Variants in VPS53 observed in about 807,000 individuals in gnomAD.
The protein encoded by VPS53 is VPS53 subunit of GARP complex.
Under a neutral mutation model 107.0 loss-of-function variants are expected in VPS53, and 70 were observed. The observed-to-expected ratio is 0.65, with a 90% confidence interval of 0.54 to 0.80. VPS53 has a LOEUF of 0.80. Ranked by LOEUF, VPS53 falls within the 30% of genes least tolerant of loss-of-function variation. The pLI, the probability that VPS53 is intolerant of heterozygous loss-of-function variation, is 0.00. For missense variants in VPS53, 917 were observed against 1,049.4 expected (o/e 0.87, Z 1.74); for synonymous variants, 409 against 393.3 (o/e 1.04, Z -0.47).
At chr17:576,978 T>G (rs186313911) in intron 13 of VPS53, among the ~76,000 whole-genome samples, 1 of 145,718 alleles carries the variant, frequency 6.9e-6, no homozygotes, top group East Asian at 2.1e-4. Context: ...AGAACCTCAA[T>G]GACTTAGCAG....
intron 19 of VPS53, chr17:523,196 G>A (rs1908879701): frequency 6.5e-6 from 1 of 152,928 alleles, no homozygotes; most frequent in Non-Finnish European, 1.5e-5. Flanking sequence ...CGCTGCTCTT[G>A]GCAACCAGGG....
chr17:653,510 A>C (rs1318330830), intron 6 of VPS53, 100 bp from the exon 7 acceptor site: 20 of 1,556,860 alleles, frequency 1.3e-5, no homozygotes, highest in Non-Finnish European at 1.7e-5. Context: ...ATATCAACTC[A>C]GCTGAATCAA....
At chr17:697,780 T>C (rs969219402) in intron 3 of VPS53, among the ~76,000 whole-genome samples, 1 of 152,140 alleles carries the variant, frequency 6.6e-6, no homozygotes, top group African/African-American at 2.4e-5. Context: ...ATGGAGTACA[T>C]CAGGAATGAC....
chr17:558,619 G>C, intron 15 of VPS53, among the ~76,000 whole-genome samples: 1 of 151,912 alleles, frequency 6.6e-6, no homozygotes, highest in Non-Finnish European at 1.5e-5. Flanking sequence ...GGGTGACAGA[G>C]AGAGACTCTG....
At chr17:534,263 G>A (rs1597255847) in intron 18 of VPS53, among the ~76,000 whole-genome samples, 1 of 152,214 alleles carries the variant, frequency 6.6e-6, no homozygotes, top group East Asian at 1.9e-4. Context: ...TGATTGAAGG[G>A]AGGAGGATCA....
At chr17:690,602 G>A (rs918155135) in intron 4 of VPS53, among the ~76,000 whole-genome samples, 3 of 152,336 alleles carry the variant, frequency 2.0e-5, no homozygotes, top group African/African-American at 7.2e-5. Context: ...TCCCAGCTCT[G>A]CGGACATCTG....
At chr17:713,667 AG>A (rs1200466808) in intron 1 of VPS53, among the ~76,000 whole-genome samples, 310 of 147,312 alleles carry the variant, frequency 2.1e-3, no homozygotes, top group African/African-American at 7.2e-3. Context: ...ACAAAAAAAA[AG>A]AAAAAAAGAA....
intron 15 of VPS53, among the ~76,000 whole-genome samples, chr17:556,119 A>G (rs1912322046): frequency 6.6e-6 from 1 of 152,158 alleles, no homozygotes; most frequent in South Asian, 2.1e-4. Flanking sequence ...TCTACAAAAA[A>G]TAAAAAAATA....
chr17:647,776 C>T (rs558441217), intron 7 of VPS53, among the ~76,000 whole-genome samples: 1 of 152,046 alleles, frequency 6.6e-6, no homozygotes, highest in Non-Finnish European at 1.5e-5. Flanking sequence ...TGCCCCGGAG[C>T]GTCAGAAATA....
chr17:670,457 G>A (rs1597466273), intron 4 of VPS53, among the ~76,000 whole-genome samples: 1 of 152,320 alleles, frequency 6.6e-6, no homozygotes, highest in South Asian at 2.1e-4. Context: ...ACGGTGAGCA[G>A]GCTCTCAAAG....
intron 11 of VPS53, among the ~76,000 whole-genome samples, chr17:605,858 G>A (rs535006333): frequency 6.6e-6 from 1 of 152,242 alleles, no homozygotes; most frequent in Admixed American, 6.5e-5. Flanking sequence ...GCCTTTTGTG[G>A]GCCATGGTAA....
intron 12 of VPS53, 27 bp from the exon 13 acceptor site, chr17:586,391 CA>C: frequency 6.3e-7 from 1 of 1,597,528 alleles, no homozygotes. Context: ...AAATAAACCC[CA>C]TACTTGAGTG....
At chr17:694,416 C>T (rs1462084123) in intron 4 of VPS53, among the ~76,000 whole-genome samples, 3 of 152,172 alleles carry the variant, frequency 2.0e-5, no homozygotes, top group Non-Finnish European at 4.4e-5. Context: ...ACGTAAATAA[C>T]TGAAAGATAC....
At chr17:571,493 C>T (rs575285473) in intron 13 of VPS53, among the ~76,000 whole-genome samples, 2 of 141,554 alleles carry the variant, frequency 1.4e-5, no homozygotes, top group African/African-American at 5.4e-5. Flanking sequence ...CTCCTTCTCC[C>T]TCTCCCTCTC....
intron 17 of VPS53, among the ~76,000 whole-genome samples, chr17:545,330 C>T (rs771274722): frequency 6.6e-6 from 1 of 152,184 alleles, no homozygotes; most frequent in Non-Finnish European, 1.5e-5. Context: ...CACACCCCCG[C>T]GGGCTCGTAT....
chr17:675,188 G>A (rs915927244), intron 4 of VPS53: 4 of 152,116 alleles, frequency 2.6e-5, no homozygotes, highest in Admixed American at 1.3e-4. Flanking sequence ...CCTAGAACCT[G>A]CCCACAAGAC....
chr17:595,725 T>A (rs1401816406), intron 12 of VPS53, among the ~76,000 whole-genome samples: 2 of 139,936 alleles, frequency 1.4e-5, no homozygotes, highest in Non-Finnish European at 3.1e-5. Context: ...CTGGATCAAT[T>A]TCCTGGTTTG....
intron 13 of VPS53, among the ~76,000 whole-genome samples, chr17:575,819 C>T (rs1484335181): frequency 1.3e-5 from 2 of 149,100 alleles, no homozygotes; most frequent in Non-Finnish European, 3.0e-5. Flanking sequence ...CCCTCAGGAC[C>T]TAATGCGTTC....
chr17:657,112 G>A (rs1971225496), intron 5 of VPS53: 2 of 1,114,444 alleles, frequency 1.8e-6, no homozygotes, highest in African/African-American at 3.1e-5. Context: ...TCTGAATGGT[G>A]TCATTCACCT....
Sources: gnomAD v4.1 joint callset for allele counts (sites outside exome capture counted in the v4.1 genomes callset) on GRCh38, gnomAD v4.1.1 for gene constraint, MANE v1.5 for transcripts, NCBI Gene and HGNC (gene_info 2026-07-23, HGNC 2026-07-21) for gene names.